Variants in BTD observed in about 807,000 individuals in gnomAD.
BTD encodes the protein biocytinase.
A neutral mutation model predicts 17.7 loss-of-function variants in BTD; 13 were observed. The ratio of observed to expected loss-of-function variants is 0.74; its 90% CI spans 0.48 to 1.17. The LOEUF is 1.17. Among genes scored for constraint, BTD ranks in the 50% most tolerant of loss-of-function variants. The probability of loss-of-function intolerance (pLI) is 0.00; values close to 1 mark genes in which losing one functional copy is unlikely to be tolerated. For synonymous variants in BTD, 240 were observed against 245.2 expected (o/e 0.98, Z 0.20); for missense variants, 674 against 650.4 (o/e 1.04, Z -0.39).
At chr3:15,685,265 T>C (rs2067979573) in intron 3 of BTD, 1 of 1,613,938 alleles carries the variant, frequency 6.2e-7, no homozygotes, top group African/African-American at 1.3e-5. Context: ...TATCCATGAT[T>C]GTCTGCTGTG....
intron 4 of BTD, among the ~76,000 whole-genome samples, chr3:15,718,738 TA>T (rs1381975984): frequency 3.9e-5 from 6 of 152,234 alleles, no homozygotes; most frequent in African/African-American, 1.4e-4. Flanking sequence ...TCCATAATAC[TA>T]ACACACAAAG....
chr3:15,609,289 G>T (rs1338787052), intron 1 of BTD, among the ~76,000 whole-genome samples: 3 of 152,168 alleles, frequency 2.0e-5, no homozygotes, highest in East Asian at 3.8e-4. Flanking sequence ...TGAAACCCCC[G>T]TGTGTCCTTT....
intron 3 of BTD, chr3:15,695,190 C>G: frequency 6.3e-7 from 1 of 1,595,452 alleles, no homozygotes; most frequent in South Asian, 1.1e-5. Flanking sequence ...ATACTTACAA[C>G]ATCTAGAGGA....
chr3:15,613,350 A>G (rs1306969141), intron 1 of BTD, among the ~76,000 whole-genome samples: 2 of 151,868 alleles, frequency 1.3e-5, no homozygotes, highest in Non-Finnish European at 2.9e-5. Context: ...CATGTTGCTT[A>G]TTTATTTACA....
At chr3:15,654,421 C>G (rs1342264266), downstream of BTD, among the ~76,000 whole-genome samples, 1 of 152,076 alleles carries the variant, frequency 6.6e-6, no homozygotes, top group African/African-American at 2.4e-5. Flanking sequence ...CCTCCTAAGT[C>G]AGTCACACCT....
chr3:15,676,868 T>C lies in BTD; in HGVS notation c.400-33192T>C, dbSNP rs1240235925. Reference sequence around the variant, plus strand: ...GTTGTAAAACTATTAAAATTGCTTCTATGACTAATGAAACCTATTCCAATA... The same window carrying C: ...GTTGTAAAACTATTAAAATTGCTTCCATGACTAATGAAACCTATTCCAATA... On this transcript the variant is annotated intron_variant, in intron 3 of 3. Coordinates refer to the BTD transcript ENST00000672141. The C allele has an allele frequency of 1.5e-5, 13 of 845,916 alleles. No homozygotes were observed. The East Asian group carries it at 2.4e-4, about 15-fold the overall frequency. 52.4% of individuals were successfully genotyped at this position (845,916 alleles called of 1,614,324 possible).
chr3:15,623,736 T>A (rs892390516), intron 1 of BTD, among the ~76,000 whole-genome samples: 4 of 152,178 alleles, frequency 2.6e-5, no homozygotes, highest in African/African-American at 9.7e-5. Flanking sequence ...ATGATAGAGT[T>A]CTCATGAGAT....
intron 3 of BTD, among the ~76,000 whole-genome samples, chr3:15,705,453 T>C (rs1575270732): frequency 6.6e-6 from 1 of 152,286 alleles, no homozygotes; most frequent in East Asian, 1.9e-4. Context: ...TGCTGAGCTG[T>C]ACCCAATAAC....
chr3:15,657,645 A>G (rs1309473767), downstream of BTD, among the ~76,000 whole-genome samples: 1 of 152,162 alleles, frequency 6.6e-6, no homozygotes, highest in Non-Finnish European at 1.5e-5. Flanking sequence ...TAGCCTTTCC[A>G]TATTCCAGGT....
intron 1 of BTD, among the ~76,000 whole-genome samples, chr3:15,633,468 T>C (rs576042509): frequency 6.6e-6 from 1 of 152,384 alleles, no homozygotes; most frequent in African/African-American, 2.4e-5. Context: ...AAATTTTATC[T>C]TCTCCAGATA....
intron 1 of BTD, among the ~76,000 whole-genome samples, chr3:15,633,817 A>G (rs1275138667): frequency 2.0e-5 from 3 of 152,250 alleles, no homozygotes; most frequent in Non-Finnish European, 4.4e-5. Context: ...TGGAATGGAA[A>G]AATGGGTTTC....
At chr3:15,661,721 A>G (rs568633073) in intron 3 of BTD, among the ~76,000 whole-genome samples, 4 of 152,272 alleles carry the variant, frequency 2.6e-5, no homozygotes, top group South Asian at 2.1e-4. Flanking sequence ...TGTGAAACCC[A>G]AGGTCAGGTA....
In BTD at chr3:15,649,248, A is replaced by T. The variant is rs561751967; in HGVS notation, c.*3760A>T. ...ATAGGGATAGCTGAGTGTCCTCATG[A>T]TGTGGCCCCTGGCTTCCCCTGAAGC... On this transcript the variant is annotated 3_prime_UTR_variant, in exon 4 of 4. Coordinates refer to ENST00000643237, the MANE Select transcript of BTD (RefSeq NM_001370658.1). Among the ~76,000 whole-genome samples the T allele has an allele frequency of 5.3e-5, 8 of 152,286 alleles. No individual in the cohort carries two copies. The South Asian group carries it at 1.0e-3, about 20-fold the overall frequency.
intron 3 of BTD, 55 bp downstream of exon 3, chr3:15,642,112 C>T (rs1037737814): frequency 7.5e-6 from 12 of 1,607,752 alleles, no homozygotes; most frequent in African/African-American, 4.0e-5. Context: ...TGATCTAAGT[C>T]AGGGACCAGA....
Position 15,685,267 on chromosome 3 carries a change from T to C in BTD, c.400-24793T>C, listed in dbSNP as rs372807761. The C allele has an allele frequency of 2.4e-5, 39 of 1,613,908 alleles. No individual in the cohort carries two copies. Among genetic ancestry groups the C allele is most frequent in the Non-Finnish European group, 3.3e-5 (39 of 1,179,896 alleles). ...GTGAAGTGCCGTATATCCATGATTG[T>C]CTGCTGTGGCTGGATTTGCATCCAT... is the stretch of plus-strand genomic sequence containing the variant. On this transcript the variant is annotated intron_variant, in intron 3 of 3. Transcript: ENST00000672141.
At chr3:15,615,905 A>T (rs1043611227) in intron 1 of BTD, among the ~76,000 whole-genome samples, 6 of 152,260 alleles carry the variant, frequency 3.9e-5, no homozygotes, top group African/African-American at 1.4e-4. Flanking sequence ...TACAGTATGT[A>T]GCCTTTACAG....
At chr3:15,714,512 G>C, downstream of BTD, 1 of 1,104,044 alleles carries the variant, frequency 9.1e-7, no homozygotes, top group Non-Finnish European at 1.2e-6. Flanking sequence ...TCATTTGGTG[G>C]ATGTTTTTAC....
At chr3:15,694,392 C>T (rs1260699892) in intron 3 of BTD, among the ~76,000 whole-genome samples, 1 of 152,086 alleles carries the variant, frequency 6.6e-6, no homozygotes, top group Admixed American at 6.5e-5. Flanking sequence ...ATCTGCTTAG[C>T]CAACTTATAA....
chr3:15,677,649 A>G, intron 3 of BTD: 1 of 963,734 alleles, frequency 1.0e-6, no homozygotes. Flanking sequence ...TGAAGATACA[A>G]AGCAAAAAAG....
Sources: gnomAD v4.1 joint callset for allele counts (sites outside exome capture counted in the v4.1 genomes callset) on GRCh38, gnomAD v4.1.1 for gene constraint, MANE v1.5 for transcripts, NCBI Gene and HGNC (gene_info 2026-07-23, HGNC 2026-07-21) for gene names.